TRIM35: variants seen among roughly 807,000 people sequenced by gnomAD.
TRIM35 encodes E3 ubiquitin-protein ligase TRIM35.
TRIM35 carries 37 observed loss-of-function variants against 49.1 expected under a neutral mutation model. The observed-to-expected ratio is 0.75, with a 90% confidence interval of 0.58 to 0.99. TRIM35 has a LOEUF of 0.99. Among genes scored for constraint, TRIM35 ranks in the 50% least tolerant of loss-of-function variants. The probability of loss-of-function intolerance (pLI) is 0.00; values close to 1 mark genes in which losing one functional copy is unlikely to be tolerated. For missense variants in TRIM35, 648 were observed against 702.7 expected, an observed-to-expected ratio of 0.92 and a Z score of 0.88; for synonymous variants, 302 against 289.3, an observed-to-expected ratio of 1.04 and a Z score of -0.45.
At position 27,285,851 on chromosome 8, in the gene TRIM35, G is replaced by A; in HGVS notation, c.*1699C>T. On this transcript the variant is annotated 3_prime_UTR_variant, in exon 6 of 6. Coordinates refer to ENST00000305364, the MANE Select transcript of TRIM35 (RefSeq NM_171982.5). ...TCTCAGACACTTTGGCTCCCAAAGG[G>A]CTTGGAGCTTTTGTGAGGCTGAGCA... is the stretch of plus-strand genomic sequence containing the variant. The A allele has an allele frequency of 3.9e-6, 1 of 255,678 alleles. No homozygotes were observed. Among genetic ancestry groups the A allele is most frequent in the Non-Finnish European group, 7.9e-6 (1 of 127,314 alleles). 15.8% of individuals were successfully genotyped at this position (255,678 alleles called of 1,614,324 possible).
Position 27,294,225 on chromosome 8 carries a change from A to G in TRIM35, c.617T>C (p.Leu206Pro). ...CCTTGTCTCCTCGGCCATGGCATCC[A>G]GAATGGCCTGCTCCTCCACTCTCAA... is the stretch of plus-strand genomic sequence containing the variant. ...EFLRVEEQAI[L>P]DAMAEETRQK... The change falls in exon 3 of 6, where the codon CTG becomes CCG. Residue 206 changes from leucine to proline, a missense_variant. Coordinates refer to ENST00000305364, the MANE Select transcript of TRIM35 (RefSeq NM_171982.5). The G allele has an allele frequency of 3.1e-6, 5 of 1,614,208 alleles. No homozygotes were observed. Among genetic ancestry groups the G allele is most frequent in the South Asian group, 1.1e-5 (1 of 91,088 alleles).
chr8:27,307,997 TGA>T lies in TRIM35; in HGVS notation c.435+2802_435+2803del, dbSNP rs1307338052. 6.6e-5 allele frequency among the ~76,000 whole-genome samples: 10 copies of T among 152,214 alleles called. No individual in the cohort carries two copies. In the South Asian group the frequency reaches 1.9e-3, roughly 28 times the overall value. On this transcript the variant is annotated intron_variant, in intron 1 of 5. Coordinates refer to ENST00000305364, the MANE Select transcript of TRIM35 (RefSeq NM_171982.5). ...GCCCAATGTCATCACAGGGTCCTTA[TGA>T]GAGGGAGGTAGTAGAACTGGTCAAA...
In TRIM35 at chr8:27,287,603, G is replaced by T. The variant is rs1163297443; in HGVS notation, c.1429C>A (p.Pro477Thr). The part of the protein sequence containing the change: ...GGARGAGPPE[P>T]LRICPLHISV... ...ATGTGCAAGGGGCAGATGCGCAAAG[G>T]CTCTGGAGGCCCGGCGCCCCGTGCA... Residue 477 changes from proline (P) to threonine (T), a missense_variant, in exon 6 of 6, where the codon CCT becomes ACT. Transcript: ENST00000305364. The surrounding 1 kb of genome is among the most constrained non-coding windows in gnomAD (Gnocchi z 6.0). 1 of 1,606,224 alleles carries T rather than the reference G, an allele frequency of 6.2e-7. No individual in the cohort carries two copies. Among genetic ancestry groups the T allele is most frequent in the Admixed American group, 1.7e-5 (1 of 59,118 alleles).
In TRIM35 at chr8:27,310,799, A is replaced by G. The variant is rs764333812; in HGVS notation, c.435+2T>C. 1 of 1,580,106 alleles carries G rather than the reference A, an allele frequency of 6.3e-7. No individual in the cohort carries two copies. Among genetic ancestry groups the G allele is most frequent in the Non-Finnish European group, 8.6e-7 (1 of 1,158,384 alleles). On this transcript the variant is annotated splice_donor_variant, in intron 1 of 5. Transcript: ENST00000305364. LOFTEE classifies it high-confidence loss of function. ...CCGCCTCGTGCAAATCGCTGCTCTT[A>G]CCCGAAAGTCGTGGGCAGTGTCCTT... is the stretch of plus-strand genomic sequence containing the variant.
rs1802306523 is a variant in TRIM35, at chr8:27,285,841, C to G, written c.*1709G>C. The G allele has an allele frequency of 4.5e-6, 1 of 224,692 alleles. No individual in the cohort carries two copies. 13.9% of individuals were successfully genotyped at this position (224,692 alleles called of 1,614,324 possible). On this transcript the variant is annotated 3_prime_UTR_variant, in exon 6 of 6. Coordinates refer to ENST00000305364, the MANE Select transcript of TRIM35 (RefSeq NM_171982.5). ...AGGGTCACACTCTCAGACACTTTGG[C>G]TCCCAAAGGGCTTGGAGCTTTTGTG...
chr8:27,298,455 T>C lies in TRIM35; in HGVS notation c.531+9A>G, dbSNP rs770819168. On this transcript the variant is annotated intron_variant, in intron 2 of 5. Coordinates refer to ENST00000305364, the MANE Select transcript of TRIM35 (RefSeq NM_171982.5). Reference sequence around the variant, plus strand: ...CCAATCTTCCCACTTGGCCCCATCGTTCGCTCACCTGATTGTGCTTGGCGA... The same window carrying C: ...CCAATCTTCCCACTTGGCCCCATCGCTCGCTCACCTGATTGTGCTTGGCGA... 2 of 1,613,908 alleles carry C rather than the reference T, an allele frequency of 1.2e-6. No homozygotes were observed. The highest frequency in any genetic ancestry group is 1.7e-5 in the Admixed American group (1 of 60,026).
intron 3 of TRIM35, among the ~76,000 whole-genome samples, chr8:27,292,249 G>A (rs1225074313): frequency 6.6e-6 from 1 of 152,184 alleles, no homozygotes; most frequent in East Asian, 1.9e-4. Context: ...ACAGTATTCA[G>A]TGCAGCAACG....
intron 1 of TRIM35, among the ~76,000 whole-genome samples, chr8:27,298,893 GT>G (rs1466919871): frequency 6.6e-6 from 1 of 152,146 alleles, no homozygotes; most frequent in Non-Finnish European, 1.5e-5. Flanking sequence ...CCAAAAGCTG[GT>G]TCATGCTGGG....
At chr8:27,292,415 A>C (rs1245575966) in intron 3 of TRIM35, among the ~76,000 whole-genome samples, 2 of 152,216 alleles carry the variant, frequency 1.3e-5, no homozygotes, top group African/African-American at 2.4e-5. Context: ...TATCCCCATC[A>C]CTAAGAAGTG....
Position 27,287,501 on chromosome 8 carries a change from A to G in TRIM35, c.*49T>C. 1 of 1,486,120 alleles carries G rather than the reference A, an allele frequency of 6.7e-7. No individual in the cohort carries two copies. Among genetic ancestry groups the G allele is most frequent in the Non-Finnish European group, 9.0e-7 (1 of 1,113,852 alleles). The allele number at this position is 1,486,120 out of a possible 1,614,324, so 92.1% of individuals were successfully genotyped here. A position where few individuals can be genotyped will look rare whatever the true frequency, so the allele number is the denominator to read the frequency against. On this transcript the variant is annotated 3_prime_UTR_variant, in exon 6 of 6. Coordinates refer to ENST00000305364, the MANE Select transcript of TRIM35 (RefSeq NM_171982.5). This position sits in a 1 kb window ranked among gnomAD's most constrained non-coding sequence, Gnocchi z 6.0. ...GCAGTGTGGGCATTAGGAAGAGGGC[A>G]GAAAGAAAACAGTGCTGTGGCACAA...
Position 27,286,868 on chromosome 8 carries a change from T to A in TRIM35, c.*682A>T, listed in dbSNP as rs1802333535. 1 of 152,714 alleles carries A rather than the reference T, an allele frequency of 6.5e-6. No homozygotes were observed. Among genetic ancestry groups the A allele is most frequent in the Non-Finnish European group, 1.5e-5 (1 of 68,472 alleles). 9.5% of individuals were successfully genotyped at this position (152,714 alleles called of 1,614,324 possible). The stretch of plus-strand genomic sequence containing the variant: ...ACTAATCCGGAGCGATGGCGCCAGC[T>A]GCCTCCTTCACATGGCTCTCCCAGG... On this transcript the variant is annotated 3_prime_UTR_variant, in exon 6 of 6. Transcript: ENST00000305364.
chr8:27,288,188 A>C (rs748216509), intron 5 of TRIM35, 61 bp from the exon 6 acceptor site: 1 of 1,486,112 alleles, frequency 6.7e-7, no homozygotes, highest in Non-Finnish European at 9.1e-7. Context: ...CCACACGTGG[A>C]TATCTCCAGC....
intron 2 of TRIM35, 48 bp from the exon 3 acceptor site, chr8:27,294,358 T>C: frequency 6.5e-7 from 1 of 1,547,298 alleles, no homozygotes; most frequent in Non-Finnish European, 8.7e-7. Context: ...GGAGAGGACA[T>C]CCATAGCCCA....
At chr8:27,304,919 G>C (rs144677660) in intron 1 of TRIM35, 3 of 401,576 alleles carry the variant, frequency 7.5e-6, no homozygotes, top group Non-Finnish European at 1.4e-5. Context: ...CAAATTTCAC[G>C]ATTTGTTTTC....
chr8:27,307,086 G>A (rs768250240), intron 1 of TRIM35, among the ~76,000 whole-genome samples: 1 of 152,134 alleles, frequency 6.6e-6, no homozygotes, highest in Non-Finnish European at 1.5e-5. Flanking sequence ...ACTTGTTCAA[G>A]TTTGAGAAAC....
At chr8:27,295,705 G>A (rs1802551665) in intron 2 of TRIM35, among the ~76,000 whole-genome samples, 1 of 152,176 alleles carries the variant, frequency 6.6e-6, no homozygotes, top group South Asian at 2.1e-4. Context: ...TCAAAGTACA[G>A]TTTCTACTGA....
intron 5 of TRIM35, among the ~76,000 whole-genome samples, chr8:27,288,665 T>A (rs1802388863): frequency 6.6e-6 from 1 of 152,136 alleles, no homozygotes; most frequent in Non-Finnish European, 1.5e-5. Context: ...CATTTTCTAG[T>A]TTGTGGTCCT....
At chr8:27,303,732 T>C (rs1184375634) in intron 1 of TRIM35, among the ~76,000 whole-genome samples, 3 of 152,238 alleles carry the variant, frequency 2.0e-5, no homozygotes, top group Non-Finnish European at 2.9e-5. Flanking sequence ...TCATTCTTCT[T>C]GTCCAGGCTA....
At chr8:27,292,445 C>T (rs998025145) in intron 3 of TRIM35, among the ~76,000 whole-genome samples, 6 of 152,142 alleles carry the variant, frequency 3.9e-5, no homozygotes, top group Non-Finnish European at 5.9e-5. Context: ...ATATCTATGC[C>T]ATGGAATATT....
Sources: gnomAD v4.1 joint callset for allele counts (sites outside exome capture counted in the v4.1 genomes callset) on GRCh38, gnomAD v4.1.1 for gene constraint, Gnocchi (gnomAD v3.1) non-coding constraint, MANE v1.5 for transcripts, NCBI Gene and HGNC (gene_info 2026-07-23, HGNC 2026-07-21) for gene names.